ADCY2: variants seen among roughly 807,000 people sequenced by gnomAD.
The protein encoded by ADCY2 is adenylate cyclase 2.
ADCY2 carries 31 observed loss-of-function variants against 125.2 expected under a neutral mutation model. The ratio of observed to expected loss-of-function variants is 0.25; its 90% confidence interval spans 0.19 to 0.33. The LOEUF is 0.33. Among genes scored for constraint, ADCY2 ranks in the 10% least tolerant of loss-of-function variants. ADCY2 has a pLI of 1.00. For synonymous variants in ADCY2, 512 were observed against 548.4 expected, an observed-to-expected ratio of 0.93 and a Z score of 0.93; for missense variants, 904 against 1,418.2, an observed-to-expected ratio of 0.64 and a Z score of 5.82.
chr5:7,643,597 A>G (rs915519533), intron 4 of ADCY2, among the ~76,000 whole-genome samples: 2 of 151,200 alleles, frequency 1.3e-5, no homozygotes, highest in Non-Finnish European at 2.9e-5. Flanking sequence ...CACCTTAACA[A>G]TATTTTGGTG....
At chr5:7,759,618 G>T (rs1043204380) in intron 16 of ADCY2, among the ~76,000 whole-genome samples, 3 of 152,192 alleles carry the variant, frequency 2.0e-5, no homozygotes, top group African/African-American at 7.2e-5. Flanking sequence ...CTGCTGCAGG[G>T]ATCATAAGGC....
Position 7,468,825 on chromosome 5 carries a change from A to G in ADCY2, c.409-51913A>G, listed in dbSNP as rs143144022. Among the ~76,000 whole-genome samples, 9 of 152,312 alleles carry G rather than the reference A, an allele frequency of 5.9e-5. No homozygotes were observed. The East Asian group carries it at 1.7e-3, about 29-fold the overall frequency. On this transcript the variant is annotated intron_variant, in intron 2 of 24. Coordinates refer to ENST00000338316, the MANE Select transcript of ADCY2 (RefSeq NM_020546.3). ...TCATGTTTTCAAGTCATTGGAAACC[A>G]AATGCTAAAATGACTGTTTAAATAA...
chr5:7,654,678 G>A (rs1048527521), intron 4 of ADCY2, among the ~76,000 whole-genome samples: 1 of 152,082 alleles, frequency 6.6e-6, no homozygotes, highest in African/African-American at 2.4e-5. Context: ...CTCCTTTTGT[G>A]TCTCCAAACA....
intron 2 of ADCY2, among the ~76,000 whole-genome samples, chr5:7,459,691 C>A (rs1228910006): frequency 6.7e-6 from 1 of 150,078 alleles, no homozygotes; most frequent in Non-Finnish European, 1.5e-5. Context: ...AAAATAAAAA[C>A]CTCTAGACAT....
chr5:7,436,144 C>T (rs918256611), intron 2 of ADCY2, among the ~76,000 whole-genome samples: 12 of 152,254 alleles, frequency 7.9e-5, no homozygotes, highest in East Asian at 7.7e-4. Context: ...TTTAAACAGA[C>T]GCACACATAA....
At chr5:7,674,460 C>A (rs978412036) in intron 4 of ADCY2, among the ~76,000 whole-genome samples, 12 of 152,194 alleles carry the variant, frequency 7.9e-5, no homozygotes, top group African/African-American at 2.9e-4. Flanking sequence ...TGGAGGGGAG[C>A]AGATCTCTTG....
intron 4 of ADCY2, among the ~76,000 whole-genome samples, chr5:7,641,185 T>C (rs1485850663): frequency 1.3e-5 from 2 of 152,194 alleles, no homozygotes; most frequent in Non-Finnish European, 2.9e-5. Context: ...CCTGCAGCCC[T>C]TTACAGCTGC....
intron 4 of ADCY2, among the ~76,000 whole-genome samples, chr5:7,657,246 G>A (rs759842063): frequency 3.9e-5 from 6 of 152,204 alleles, no homozygotes; most frequent in Non-Finnish European, 1.5e-5. Context: ...GAAGGAGTTT[G>A]GAAAGTGTTA....
chr5:7,499,222 G>A (rs886255567), intron 2 of ADCY2, among the ~76,000 whole-genome samples: 1 of 152,064 alleles, frequency 6.6e-6, no homozygotes, highest in African/African-American at 2.4e-5. Context: ...TCGCCAGGAT[G>A]GTCTCGATCT....
rs562137344 is a variant in ADCY2, at chr5:7,439,388, C to T, written c.408+24618C>T. Among the ~76,000 whole-genome samples the T allele has an allele frequency of 1.1e-4, 17 of 152,176 alleles. No individual in the cohort carries two copies. In the South Asian group the frequency reaches 3.5e-3, roughly 32 times the overall value. On this transcript the variant is annotated intron_variant, in intron 2 of 24. Transcript: ENST00000338316. ...TATAAAACCGTCAGCTCTCATGAGA[C>T]TTATTCACTACCATGAGAACAGTAT...
At chr5:7,647,657 A>G (rs1738945929) in intron 4 of ADCY2, among the ~76,000 whole-genome samples, 1 of 152,252 alleles carries the variant, frequency 6.6e-6, no homozygotes, top group South Asian at 2.1e-4. Flanking sequence ...TGGCAACTAG[A>G]GGAAGATCAA....
At chr5:7,657,152 A>C (rs1391938067) in intron 4 of ADCY2, among the ~76,000 whole-genome samples, 2 of 152,220 alleles carry the variant, frequency 1.3e-5, no homozygotes, top group African/African-American at 4.8e-5. Flanking sequence ...CCAAGAACCA[A>C]AAAATTCTGA....
At chr5:7,792,365 G>A (rs1407225405) in intron 20 of ADCY2, among the ~76,000 whole-genome samples, 1 of 152,104 alleles carries the variant, frequency 6.6e-6, no homozygotes, top group African/African-American at 2.4e-5. Flanking sequence ...TTGCACTCCA[G>A]CCTCAGCAAC....
At chr5:7,662,927 C>T (rs1458901375) in intron 4 of ADCY2, among the ~76,000 whole-genome samples, 3 of 152,220 alleles carry the variant, frequency 2.0e-5, no homozygotes, top group Non-Finnish European at 4.4e-5. Flanking sequence ...AAACCATCGT[C>T]TGTTTAAAGA....
chr5:7,508,209 G>A (rs1743915417), intron 2 of ADCY2, among the ~76,000 whole-genome samples: 1 of 152,138 alleles, frequency 6.6e-6, no homozygotes, highest in Non-Finnish European at 1.5e-5. Context: ...CCAGTCACGA[G>A]CATAATTACC....
chr5:7,414,749 C>G lies in ADCY2; in HGVS notation c.387C>G (p.Gly129=). The stretch of plus-strand genomic sequence containing the variant: ...GATACCTGTTCATGTGTTTTGGAGG[C>G]ACCGTCTCTCCCTGGGACCAGGTAA... ...AMGYLFMCFG[G]TVSPWDQVSF... is the part of the protein sequence containing the mutation. The change falls in exon 2 of 25, where the codon GGC becomes GGG. Residue 129 remains glycine, a synonymous_variant. Transcript: ENST00000338316. The G allele has an allele frequency of 6.2e-7, 1 of 1,611,622 alleles. No individual in the cohort carries two copies. Among genetic ancestry groups the G allele is most frequent in the East Asian group, 2.2e-5 (1 of 44,786 alleles).
intron 16 of ADCY2, among the ~76,000 whole-genome samples, chr5:7,763,958 C>T (rs901848371): frequency 5.3e-5 from 8 of 152,156 alleles, no homozygotes; most frequent in Non-Finnish European, 1.2e-4. Context: ...CGAGGCTCCA[C>T]GTCAATTTCC....
At chr5:7,589,535 A>AGAAAG (rs2126623506) in intron 3 of ADCY2, among the ~76,000 whole-genome samples, 1 of 146,696 alleles carries the variant, frequency 6.8e-6, no homozygotes, top group African/African-American at 2.5e-5. Flanking sequence ...AGAAAGAAAG[A>AGAAAG]AAGGAGGGAG....
At chr5:7,780,952 C>G (rs1468808538) in intron 18 of ADCY2, among the ~76,000 whole-genome samples, 2 of 152,218 alleles carry the variant, frequency 1.3e-5, no homozygotes, top group African/African-American at 4.8e-5. Context: ...GGGCCAACGG[C>G]AGACGCCTGT....
Sources: gnomAD v4.1 joint callset for allele counts (sites outside exome capture counted in the v4.1 genomes callset) on GRCh38, gnomAD v4.1.1 for gene constraint, MANE v1.5 for transcripts, NCBI Gene and HGNC (gene_info 2026-07-23, HGNC 2026-07-21) for gene names.